The following CEP72 variants were observed in gnomAD, a reference collection of about 807,000 sequenced individuals.
The protein encoded by CEP72 is centrosomal protein 72, also known as centrosomal protein of 72 kDa.
CEP72 carries 78 observed loss-of-function variants against 65.7 expected under a neutral mutation model. That is an observed-to-expected ratio of 1.19 (90% CI 0.99 to 1.43). The LOEUF is 1.43. CEP72 is among the 40% of genes most tolerant of loss of function. CEP72 has a pLI of 0.00. For synonymous variants in CEP72, 358 were observed against 351.7 expected, an observed-to-expected ratio of 1.02 and a Z score of -0.20; for missense variants, 914 against 832.9, an observed-to-expected ratio of 1.10 and a Z score of -1.20.
chr5:672,401 T>G, the CEP72 span, among the ~76,000 whole-genome samples: 2 of 152,204 alleles, frequency 1.3e-5, no homozygotes, highest in African/African-American at 4.8e-5. Context: ...CGTCAGTGCA[T>G]TTACTTGGGA....
Position 641,908 on chromosome 5 carries a change from G to C in CEP72, c.1539+1304G>C, listed in dbSNP as rs1697980. ...CACGTGGTCCCCCGTCCAGAAGCCTGTGCATTTAAACACACGTGGTCCCCC... is the reference window on the plus strand; with the variant it reads ...CACGTGGTCCCCCGTCCAGAAGCCTCTGCATTTAAACACACGTGGTCCCCC... On this transcript the variant is annotated intron_variant, in intron 9 of 11. Transcript: ENST00000264935. 7.6e-4 allele frequency: 683 copies of C among 898,754 alleles called. No individual in the cohort carries two copies. In the Admixed American group the frequency reaches 0.011, roughly 14 times the overall value. The allele number at this position is 898,754 out of a possible 1,614,324, so 55.7% of individuals were successfully genotyped here. A position where few individuals can be genotyped will look rare whatever the true frequency, so the allele number is the denominator to read the frequency against.
intron 9 of CEP72, 81 bp downstream of exon 9, chr5:640,685 C>A: frequency 6.7e-7 from 1 of 1,487,584 alleles, no homozygotes; most frequent in South Asian, 1.3e-5. Flanking sequence ...AGGGCAGCTC[C>A]TTGATGCCAC....
chr5:661,266 CCT>C (rs1422222516), downstream of CEP72: 1 of 153,388 alleles, frequency 6.5e-6, no homozygotes, highest in Non-Finnish European at 1.4e-5. Context: ...AGAACCTGTC[CCT>C]CTCTCCTGGT....
downstream of CEP72, among the ~76,000 whole-genome samples, chr5:657,613 C>T (rs141237124): frequency 2.4e-4 from 37 of 152,268 alleles, no homozygotes; most frequent in Non-Finnish European, 5.1e-4. Flanking sequence ...GTGGCAGAAC[C>T]GTTCACACAG....
rs2937593 is a variant in CEP72 at position 629,764 on chromosome 5, C to T, written c.513-4005C>T. ...GTCCTGGTGGGGTTCTGTCCAGTGC[C>T]GGGATTTGGCCCAGTCCTGGTGGGG... On this transcript the variant is annotated intron_variant, in intron 4 of 11. Transcript: ENST00000264935. 3.0e-3 allele frequency among the ~76,000 whole-genome samples: 150 copies of T among 49,200 alleles called. 7 individuals carry two copies. In the African/African-American group the frequency reaches 0.036, roughly 12 times the overall value. The allele number at this position is 49,200 out of a possible 152,430, so 32.3% of individuals were successfully genotyped here.
chr5:676,116 C>G, the CEP72 span: 2 of 152,218 alleles, frequency 1.3e-5, no homozygotes, highest in Admixed American at 1.3e-4. Context: ...GCAAGGCAGT[C>G]AGCTGGAGAG....
Position 637,648 on chromosome 5 carries a change from T to C in CEP72, c.1036T>C (p.Ser346Pro). ...RMPVGRFQTF[S>P]DQEGLGCPER... ...GCCTGTTGGAAGATTCCAGACGTTT[T>C]CGGACCAGGAGGGTTTGGGCTGCCC... Residue 346 changes from serine (S) to proline (P), a missense_variant, in exon 7 of 12, where the codon TCG becomes CCG. Physicochemically the swap from Ser to Pro is moderately conservative, Grantham distance 74. Transcript: ENST00000264935. 6.2e-7 allele frequency: 1 copy of C among 1,614,014 alleles called. No individual in the cohort carries two copies. The highest frequency in any genetic ancestry group is 8.5e-7 in the Non-Finnish European group (1 of 1,180,034).
At chr5:617,958 C>T (rs757207070) in intron 1 of CEP72, among the ~76,000 whole-genome samples, 15 of 152,180 alleles carry the variant, frequency 9.9e-5, no homozygotes, top group South Asian at 2.1e-4. Flanking sequence ...TTTTTGATTA[C>T]GGAAACTTTC....
intron 11 of CEP72, among the ~76,000 whole-genome samples, chr5:648,766 GA>G (rs1738640593): frequency 9.1e-6 from 1 of 110,106 alleles, no homozygotes; most frequent in Non-Finnish European, 1.8e-5. Flanking sequence ...GTGAGGTGTG[GA>G]CTGTGAGGTG....
At chr5:648,574 G>T (rs55689078) in intron 11 of CEP72, among the ~76,000 whole-genome samples, 5 of 102,610 alleles carry the variant, frequency 4.9e-5, no homozygotes, top group African/African-American at 2.4e-4. Context: ...GGACTGTGAG[G>T]TGTGACTGTG....
downstream of CEP72, among the ~76,000 whole-genome samples, chr5:656,727 T>C (rs961321359): frequency 6.4e-4 from 97 of 152,214 alleles, no homozygotes; most frequent in Non-Finnish European, 1.1e-3. Context: ...TTCCCATTCC[T>C]GTTGTTCTGG....
rs6859965 is a variant in CEP72, at chr5:642,865, G to A, written c.1540-1434G>A. The A allele has an allele frequency of 4.1e-3, 4,017 of 985,470 alleles. 134 individuals carry two copies. The African/African-American group carries it at 0.064, about 16-fold the overall frequency. 61.0% of individuals were successfully genotyped at this position (985,470 alleles called of 1,614,324 possible). A position where few individuals can be genotyped will look rare whatever the true frequency, so the allele number is the denominator to read the frequency against. ...GAAGCACCCAAGTTTACTCTGCCAC[G>A]TGAGGACGCTCATCCCTCGGTCACA... On this transcript the variant is annotated intron_variant, in intron 9 of 11. Transcript: ENST00000264935.
At chr5:672,892 A>T in the CEP72 span, among the ~76,000 whole-genome samples, 1 of 152,270 alleles carries the variant, frequency 6.6e-6, no homozygotes, top group Non-Finnish European at 1.5e-5. Flanking sequence ...TTTAACACAT[A>T]GTAACATCAA....
downstream of CEP72, chr5:657,185 C>T (rs374593177): frequency 1.9e-4 from 29 of 152,270 alleles, no homozygotes; most frequent in East Asian, 4.2e-3. Context: ...CTACCTAGCA[C>T]CTGTGTTTGG....
chr5:675,968 G>A, the CEP72 span: 3 of 152,192 alleles, frequency 2.0e-5, no homozygotes, highest in Admixed American at 2.0e-4. Context: ...GGTCAAGGAT[G>A]AGACCAGCTC....
Position 653,054 on chromosome 5 carries a change from C to A in CEP72, c.1845C>A (p.Ala615=). The A allele has an allele frequency of 6.2e-7, 1 of 1,613,862 alleles. No individual in the cohort carries two copies. Among genetic ancestry groups the A allele is most frequent in the East Asian group, 2.2e-5 (1 of 44,876 alleles). ...ELSQVRAQHR[A]EVEQMHWSYQ... is the part of the protein sequence containing the mutation. Reference sequence around the variant, plus strand: ...GCCAGGTGCGGGCGCAGCACAGAGCCGAGGTGGAGCAGATGCACTGGAGCT... The same window carrying A: ...GCCAGGTGCGGGCGCAGCACAGAGCAGAGGTGGAGCAGATGCACTGGAGCT... The change falls in exon 12 of 12, where the codon GCC becomes GCA. Residue 615 remains alanine (A), a synonymous_variant. Transcript: ENST00000264935.
chr5:624,074 A>G lies in CEP72; in HGVS notation c.404-397A>G, dbSNP rs895294829. On this transcript the variant is annotated intron_variant, in intron 3 of 11. Coordinates refer to ENST00000264935, the MANE Select transcript of CEP72 (RefSeq NM_018140.4). This position sits in a 1 kb window ranked among gnomAD's most constrained non-coding sequence, Gnocchi z 4.7. ...ACGTCCCTGAGGCCCAGCCCTAAGC[A>G]CAGACCCAAAAGGCCTCCTGGAAGT... is the stretch of plus-strand genomic sequence containing the variant. Among the ~76,000 whole-genome samples, 11 of 152,146 alleles carry G rather than the reference A, an allele frequency of 7.2e-5. No homozygotes were observed. Among genetic ancestry groups the G allele is most frequent in the Non-Finnish European group, 4.4e-5 (3 of 68,000 alleles).
intron 3 of CEP72, chr5:665,343 T>A (rs754282882): frequency 1.3e-6 from 2 of 1,558,200 alleles, no homozygotes; most frequent in South Asian, 2.3e-5. Context: ...GCGAGCCAGG[T>A]GAGGCCAGCA....
chr5:666,147 G>A (rs1458059009), intron 4 of CEP72: 1 of 1,604,094 alleles, frequency 6.2e-7, no homozygotes, highest in Non-Finnish European at 8.5e-7. Flanking sequence ...GGCGACTTAG[G>A]GCTGGGCGCG....
Sources: allele counts gnomAD v4.1 joint callset (sites outside exome capture counted in the v4.1 genomes callset), GRCh38; gene constraint gnomAD v4.1.1; non-coding constraint Gnocchi (gnomAD v3.1); transcripts MANE v1.5; gene names NCBI Gene and HGNC (gene_info 2026-07-23, HGNC 2026-07-21).